Variants in EXOC5 observed in about 807,000 individuals in gnomAD.
The protein encoded by EXOC5 is exocyst complex component 5, also known as SEC10-like 1.
In EXOC5, 17 loss-of-function variants were observed where a neutral mutation model predicts 90.8. The observed-to-expected ratio is 0.19, with a 90% CI of 0.13 to 0.28. The LOEUF (loss-of-function observed/expected upper bound fraction) is 0.28, where lower values mean the gene tolerates loss of function less well. Ranked by LOEUF, EXOC5 falls within the 10% of genes least tolerant of loss-of-function variation. EXOC5 has a pLI of 1.00. For missense variants in EXOC5, 569 were observed against 830.6 expected, an observed-to-expected ratio of 0.69 and a Z score of 3.87; for synonymous variants, 260 against 270.0, an observed-to-expected ratio of 0.96 and a Z score of 0.36.
At chr14:57,212,607 T>A (rs925174187) in intron 15 of EXOC5, among the ~76,000 whole-genome samples, 3 of 152,220 alleles carry the variant, frequency 2.0e-5, no homozygotes, top group Admixed American at 6.5e-5. Context: ...CATAGTGGTG[T>A]TTCATCAACA....
rs913598719 is a variant in EXOC5, at chr14:57,239,766, C to A, written c.466-107G>T. 1.3e-5 allele frequency: 8 copies of A among 614,400 alleles called. No homozygotes were observed. The African/African-American group carries it at 1.5e-4, about 12-fold the overall frequency. The allele number at this position is 614,400 out of a possible 1,614,324, so 38.1% of individuals were successfully genotyped here. A position where few individuals can be genotyped will look rare whatever the true frequency, so the allele number is the denominator to read the frequency against. ...ATCTCCCTGCATGTGCCCACAGTCC[C>A]TTCCCTAAAAAAATTTCCTTTAAAA... On this transcript the variant is annotated intron_variant, in intron 4 of 17. Coordinates refer to ENST00000621441, the MANE Select transcript of EXOC5 (RefSeq NM_006544.4).
In EXOC5 at chr14:57,247,603, A is replaced by T. The variant is rs766839721; in HGVS notation, c.122+15T>A. 1.3e-5 allele frequency: 19 copies of T among 1,439,702 alleles called. No individual in the cohort carries two copies. Among genetic ancestry groups the T allele is most frequent in the East Asian group, 5.0e-5 (2 of 40,224 alleles). 89.2% of individuals were successfully genotyped at this position (1,439,702 alleles called of 1,614,324 possible). On this transcript the variant is annotated intron_variant, in intron 2 of 17. Transcript: ENST00000621441. ...CCAGATTAGATCTGTGGGGAAAAAA[A>T]TTTTTTTATTTCACCTTTTAGGATC...
At chr14:57,237,405 G>T in intron 5 of EXOC5, 39 bp from the exon 6 acceptor site, 1 of 1,423,922 alleles carries the variant, frequency 7.0e-7, no homozygotes, top group South Asian at 1.3e-5. Flanking sequence ...TGTTAGTTGT[G>T]ATAAACATCC....
intron 13 of EXOC5, 31 bp from the exon 14 acceptor site, chr14:57,219,473 T>A: frequency 6.6e-6 from 10 of 1,524,582 alleles, no homozygotes; most frequent in Non-Finnish European, 7.0e-6. Flanking sequence ...TATGTTAGAA[T>A]CATCCTTGAA....
intron 1 of EXOC5, among the ~76,000 whole-genome samples, chr14:57,266,077 T>C (rs1244213627): frequency 6.6e-6 from 1 of 152,224 alleles, no homozygotes; most frequent in Non-Finnish European, 1.5e-5. Context: ...TGAAATGTCA[T>C]GGATTCAAAA....
chr14:57,226,663 G>C (rs565391376), intron 12 of EXOC5, among the ~76,000 whole-genome samples: 2 of 152,258 alleles, frequency 1.3e-5, no homozygotes, highest in Non-Finnish European at 2.9e-5. Flanking sequence ...TGGAACACAA[G>C]AGTCCAGAAA....
At position 57,219,338 on chromosome 14, in the gene EXOC5, G is replaced by A; in HGVS notation, c.1510C>T (p.Leu504Phe). The A allele has an allele frequency of 6.6e-7, 1 of 1,523,852 alleles. No individual in the cohort carries two copies. Among genetic ancestry groups the A allele is most frequent in the Non-Finnish European group, 8.9e-7 (1 of 1,127,714 alleles). 94.4% of individuals were successfully genotyped at this position (1,523,852 alleles called of 1,614,324 possible). Residue 504 changes from leucine (L) to phenylalanine (F), a missense_variant, in exon 14 of 18, where the codon CTT becomes TTT. Around this residue, in one of 9 missense-constraint regions of EXOC5, gnomAD observed 34 missense variants for 101.1 expected, o/e 0.34. Transcript: ENST00000621441. ...HLFDKQFNDH[L>F]MPLISSSPKL... is the part of the protein sequence containing the mutation. ...TTGACTAACCTTATTAGTGGCATAA[G>A]GTGATCATTAAACTGTTTGTCAAAA... is the stretch of plus-strand genomic sequence containing the variant.
At position 57,206,373 on chromosome 14, in the gene EXOC5, A is replaced by G. The variant is rs970552041; in HGVS notation, c.*2236T>C. 1.4e-5 allele frequency: 2 copies of G among 142,746 alleles called. No homozygotes were observed. Among genetic ancestry groups the G allele is most frequent in the African/African-American group, 7.1e-5 (2 of 28,136 alleles). The allele number at this position is 142,746 out of a possible 1,614,324, so 8.8% of individuals were successfully genotyped here. A position where few individuals can be genotyped will look rare whatever the true frequency, so the allele number is the denominator to read the frequency against. ...GAATACAAAGAATGCATATTGCCTC[A>G]CATGACACATTTTTTTTTTTCCCTC... On this transcript the variant is annotated 3_prime_UTR_variant, in exon 18 of 18. Coordinates refer to ENST00000621441, the MANE Select transcript of EXOC5 (RefSeq NM_006544.4).
intron 7 of EXOC5, among the ~76,000 whole-genome samples, chr14:57,234,457 T>A (rs1883589378): frequency 1.3e-5 from 2 of 150,234 alleles, no homozygotes; most frequent in South Asian, 4.2e-4. Context: ...TATATATGTA[T>A]GTGTTTTATA....
intron 15 of EXOC5, among the ~76,000 whole-genome samples, chr14:57,214,843 G>A (rs1320730342): frequency 6.6e-6 from 1 of 152,156 alleles, no homozygotes; most frequent in Non-Finnish European, 1.5e-5. Context: ...TAATAGATTG[G>A]CATAAGATGA....
Position 57,222,419 on chromosome 14 carries a change from T to A in EXOC5, c.1297-3A>T. 1.3e-6 allele frequency: 2 copies of A among 1,548,016 alleles called. No homozygotes were observed. The highest frequency in any genetic ancestry group is 1.8e-6 in the Non-Finnish European group (2 of 1,134,392). ...GGTAAGTCAGAAGGATCAGAGAGCT[T>A]AAAAACAAAAATCAAACAATATCAC... On this transcript the variant is annotated splice_polypyrimidine_tract_variant and splice_region_variant and intron_variant, in intron 12 of 17. Coordinates refer to ENST00000621441, the MANE Select transcript of EXOC5 (RefSeq NM_006544.4).
chr14:57,233,123 G>A (rs1883535678), intron 9 of EXOC5: 1 of 160,890 alleles, frequency 6.2e-6, no homozygotes, highest in Non-Finnish European at 1.3e-5. Flanking sequence ...TCCTTCAGAT[G>A]TCTATAGGCA....
chr14:57,268,503 C>A, intron 1 of EXOC5, 119 bp downstream of exon 1: 1 of 1,528,746 alleles, frequency 6.5e-7, no homozygotes, highest in Non-Finnish European at 8.8e-7. Context: ...CCTTCTGTTT[C>A]GCACCTCTCT....
In EXOC5 at chr14:57,201,469, TGTACACACACGTGTATAAACACAC is replaced by T. The variant is rs1566720472; in HGVS notation, c.*7116_*7139del. ...GTGTATATATACACACGCGTGTATA[TGTACACACACGTGTATAAACACAC>T]GTGTATATACACACACATATGTATA... is the stretch of plus-strand genomic sequence containing the variant. On this transcript the variant is annotated 3_prime_UTR_variant, in exon 18 of 18. Coordinates refer to ENST00000621441, the MANE Select transcript of EXOC5 (RefSeq NM_006544.4). 12 of 140,582 alleles carry T rather than the reference TGTACACACACGTGTATAAACACAC, an allele frequency of 8.5e-5. No individual in the cohort carries two copies. The highest frequency in any genetic ancestry group is 1.8e-4 in the African/African-American group (6 of 33,178). The allele number at this position is 140,582 out of a possible 1,614,324, so 8.7% of individuals were successfully genotyped here.
At chr14:57,245,480 A>G (rs1355718733) in intron 3 of EXOC5, among the ~76,000 whole-genome samples, 1 of 152,196 alleles carries the variant, frequency 6.6e-6, no homozygotes, top group African/African-American at 2.4e-5. Context: ...CTGAAACTCA[A>G]ACTCAGGCAG....
intron 15 of EXOC5, 42 bp from the exon 16 acceptor site, chr14:57,210,103 T>C (rs1045314457): frequency 1.2e-6 from 1 of 867,736 alleles, no homozygotes; most frequent in Non-Finnish European, 1.9e-6. Context: ...CCATCTAACT[T>C]ACTCTATGTT....
chr14:57,238,045 G>C (rs1366300685), intron 5 of EXOC5, among the ~76,000 whole-genome samples: 2 of 151,848 alleles, frequency 1.3e-5, no homozygotes, highest in Admixed American at 1.3e-4. Context: ...TTTGAAGAGA[G>C]AGGAGAGTGG....
intron 1 of EXOC5, among the ~76,000 whole-genome samples, chr14:57,262,839 T>C (rs1028451758): frequency 2.0e-4 from 30 of 151,848 alleles, no homozygotes; most frequent in African/African-American, 7.0e-4. Flanking sequence ...ACCAACCACC[T>C]ACTTTTCAAA....
Position 57,250,798 on chromosome 14 carries a change from G to C in EXOC5, c.28-3086C>G, listed in dbSNP as rs75139575. 8.2e-4 allele frequency among the ~76,000 whole-genome samples: 125 copies of C among 152,304 alleles called. No individual in the cohort carries two copies. In the East Asian group the frequency reaches 0.023, roughly 28 times the overall value. On this transcript the variant is annotated intron_variant, in intron 1 of 17. Coordinates refer to ENST00000621441, the MANE Select transcript of EXOC5 (RefSeq NM_006544.4). ...AAGTCGCCCCTGTCCAGTTGAGGTA[G>C]CTAATCATGCAGGATGGCAAAAATT...
Sources: gnomAD v4.1 joint callset for allele counts (sites outside exome capture counted in the v4.1 genomes callset) on GRCh38, gnomAD v4.1.1 for gene constraint, gnomAD v4.1.1 regional missense constraint, MANE v1.5 for transcripts, NCBI Gene and HGNC (gene_info 2026-07-23, HGNC 2026-07-21) for gene names.